Variants in ITPR1 observed in about 807,000 individuals in gnomAD.
The protein encoded by ITPR1 is inositol 1,4,5-trisphosphate receptor type 1, also known as inositol 1,4,5-trisphosphate-gated calcium channel ITPR1.
A neutral mutation model predicts 318.4 loss-of-function variants in ITPR1; 96 were observed. The ratio of observed to expected loss-of-function variants is 0.30; its 90% confidence interval spans 0.26 to 0.36. The LOEUF is 0.36. Among genes scored for constraint, ITPR1 ranks in the 10% least tolerant of loss-of-function variants. The pLI is 1.00. For synonymous variants in ITPR1, 1,312 were observed against 1,289.9 expected (o/e 1.02, Z -0.37); for missense variants, 2,440 against 3,460.2 (o/e 0.71, Z 7.40).
chr3:4,646,389 A>G lies in ITPR1; in HGVS notation c.855+661A>G, dbSNP rs1330326776. On this transcript the variant is annotated intron_variant, in intron 10 of 61. Transcript: ENST00000649015. The stretch of plus-strand genomic sequence containing the variant: ...TTTGTATTTCAGAAGGAAGAGATGA[A>G]TGGAGTAGGTTACTTCATGTAAGAG... Among the ~76,000 whole-genome samples the G allele has an allele frequency of 2.6e-5, 4 of 152,226 alleles. No individual in the cohort carries two copies. In the East Asian group the frequency reaches 5.8e-4, roughly 22 times the overall value.
chr3:4,720,708 G>A (rs1281238121), intron 40 of ITPR1, among the ~76,000 whole-genome samples: 1 of 152,180 alleles, frequency 6.6e-6, no homozygotes, highest in African/African-American at 2.4e-5. Context: ...GCTACTCAGG[G>A]CGGCTGCAGC....
At position 4,549,594 on chromosome 3, in the gene ITPR1, T is replaced by C. The variant is rs541446907; in HGVS notation, c.163+28500T>C. ...GAAACCTGGAACATTTTGGTATCTC[T>C]GACCAGATGAATTTTTTCCCAAGTG... On this transcript the variant is annotated intron_variant, in intron 4 of 61. Coordinates refer to ENST00000649015, the MANE Select transcript of ITPR1 (RefSeq NM_001378452.1). Among the ~76,000 whole-genome samples, 32 of 151,912 alleles carry C rather than the reference T, an allele frequency of 2.1e-4. No homozygotes were observed. The South Asian group carries it at 6.5e-3, about 31-fold the overall frequency.
chr3:4,669,588 A>C (rs1190966748), intron 18 of ITPR1, 66 bp from the exon 19 acceptor site: 4 of 1,503,922 alleles, frequency 2.7e-6, no homozygotes, highest in Non-Finnish European at 3.6e-6. Context: ...TTAAGGAAGA[A>C]TTGGGGTCCA....
chr3:4,782,886 C>A, intron 50 of ITPR1, 145 bp downstream of exon 50: 1 of 654,460 alleles, frequency 1.5e-6, no homozygotes, highest in Non-Finnish European at 2.3e-6. Flanking sequence ...CACAGGTGCT[C>A]GTGGCAACCT....
At chr3:4,729,126 T>C (rs2042728102) in intron 42 of ITPR1, among the ~76,000 whole-genome samples, 1 of 152,200 alleles carries the variant, frequency 6.6e-6, no homozygotes. Context: ...TGGTATGGAA[T>C]GCTGCCTATG....
intron 44 of ITPR1, among the ~76,000 whole-genome samples, chr3:4,746,374 C>T (rs2044111109): frequency 6.6e-6 from 1 of 152,216 alleles, no homozygotes; most frequent in Admixed American, 6.5e-5. Flanking sequence ...CACTCACTCC[C>T]CTACGCTTAT....
chr3:4,557,250 C>T (rs950249819), intron 4 of ITPR1, among the ~76,000 whole-genome samples: 19 of 152,172 alleles, frequency 1.2e-4, no homozygotes, highest in Non-Finnish European at 4.4e-5. Context: ...AAATAAGACA[C>T]ATCTTACATG....
intron 60 of ITPR1, among the ~76,000 whole-genome samples, chr3:4,823,736 AAT>A (rs1306645575): frequency 5.3e-5 from 8 of 152,208 alleles, no homozygotes. Context: ...AGGTAGAAGG[AAT>A]ATGTTTGATA....
chr3:4,620,685 T>G (rs1207116415), intron 4 of ITPR1, among the ~76,000 whole-genome samples: 2 of 54,266 alleles, frequency 3.7e-5, no homozygotes, highest in African/African-American at 5.1e-5. Flanking sequence ...TGTGGGTTTT[T>G]TTTTTTTTTT....
rs146771371 is a variant in ITPR1, at chr3:4,610,296, A to G, written c.164-17467A>G. 4.8e-3 allele frequency among the ~76,000 whole-genome samples: 732 copies of G among 152,098 alleles called. 15 individuals carry two copies. Among genetic ancestry groups the G allele is most frequent in the Admixed American group, 0.043 (663 of 15,286 alleles). On this transcript the variant is annotated intron_variant, in intron 4 of 61. Coordinates refer to ENST00000649015, the MANE Select transcript of ITPR1 (RefSeq NM_001378452.1). ...TCCTGTTGGTTCCTCCCTCTCCCTG[A>G]TGACACTCGGGGACCAGGTTTTATT... is the stretch of plus-strand genomic sequence containing the variant.
intron 44 of ITPR1, among the ~76,000 whole-genome samples, chr3:4,752,998 C>T (rs1431944949): frequency 1.3e-5 from 2 of 152,154 alleles, no homozygotes; most frequent in Non-Finnish European, 2.9e-5. Flanking sequence ...AGCAAACAGG[C>T]GCCACGAAGC....
chr3:4,529,709 G>T (rs557786855), intron 4 of ITPR1, among the ~76,000 whole-genome samples: 1 of 151,990 alleles, frequency 6.6e-6, no homozygotes, highest in Non-Finnish European at 1.5e-5. Flanking sequence ...ATTTTTTTTG[G>T]TTCCATCACC....
At chr3:4,680,320 G>C (rs1643899784) in intron 24 of ITPR1, among the ~76,000 whole-genome samples, 1 of 152,176 alleles carries the variant, frequency 6.6e-6, no homozygotes, top group Non-Finnish European at 1.5e-5. Flanking sequence ...TAATTGCCAG[G>C]ATGCTGAAGC....
intron 44 of ITPR1, among the ~76,000 whole-genome samples, chr3:4,757,633 C>T (rs1019764502): frequency 2.6e-5 from 4 of 152,190 alleles, no homozygotes; most frequent in African/African-American, 7.2e-5. Context: ...GATGACTCAG[C>T]GGGTTACTTC....
chr3:4,679,750 T>G (rs2094259375), intron 24 of ITPR1, among the ~76,000 whole-genome samples: 1 of 152,198 alleles, frequency 6.6e-6, no homozygotes, highest in East Asian at 1.9e-4. Flanking sequence ...TCGCAGTTAC[T>G]TTTGTGAAAC....
rs2093848041 is a variant in ITPR1 at position 4,662,111 on chromosome 3, G to A, written c.1281G>A (p.Lys427=). The A allele has an allele frequency of 5.0e-6, 8 of 1,613,638 alleles. No individual in the cohort carries two copies. Among genetic ancestry groups the A allele is most frequent in the African/African-American group, 1.3e-5 (1 of 74,946 alleles). The change falls in exon 15 of 62, where the codon AAG becomes AAA. Residue 427 remains lysine (K), a synonymous_variant. Coordinates refer to ENST00000649015, the MANE Select transcript of ITPR1 (RefSeq NM_001378452.1). The part of the protein sequence containing the change: ...KIGTSPVKED[K]EAFAIVPVSP... The stretch of plus-strand genomic sequence containing the variant: ...GCACCTCTCCTGTGAAGGAGGATAA[G>A]GAAGCATTTGCCATAGTTCCGGTTT...
At chr3:4,763,140 G>A (rs2045568084) in intron 44 of ITPR1, among the ~76,000 whole-genome samples, 1 of 152,224 alleles carries the variant, frequency 6.6e-6, no homozygotes, top group Non-Finnish European at 1.5e-5. Flanking sequence ...TTACAAGTAT[G>A]AGCTGAACAA....
chr3:4,817,870 G>A (rs1452187849), intron 59 of ITPR1, among the ~76,000 whole-genome samples: 2 of 152,204 alleles, frequency 1.3e-5, no homozygotes, highest in Non-Finnish European at 2.9e-5. Context: ...AGTGGCAGAG[G>A]TGGGATTCAA....
intron 44 of ITPR1, among the ~76,000 whole-genome samples, chr3:4,745,747 C>G (rs755711695): frequency 4.4e-4 from 67 of 152,176 alleles, no homozygotes; most frequent in Non-Finnish European, 8.8e-4. Context: ...GATTTCTGCT[C>G]AAATCCCTGA....
Sources: gnomAD v4.1 joint callset for allele counts (sites outside exome capture counted in the v4.1 genomes callset) on GRCh38, gnomAD v4.1.1 for gene constraint, MANE v1.5 for transcripts, NCBI Gene and HGNC (gene_info 2026-07-23, HGNC 2026-07-21) for gene names.